Variants in M1AP observed in about 807,000 individuals in gnomAD.
The protein encoded by M1AP is meiosis 1 arrest protein.
In M1AP, 39 loss-of-function variants were observed where a neutral mutation model predicts 51.2. The observed-to-expected ratio is 0.76, with a 90% confidence interval of 0.59 to 1.00. The LOEUF is 1.00. Among genes scored for constraint, M1AP ranks in the 50% least tolerant of loss-of-function variants. The pLI is 0.00. For synonymous variants in M1AP, 251 were observed against 249.2 expected, an observed-to-expected ratio of 1.01 and a Z score of -0.07; for missense variants, 545 against 641.2, an observed-to-expected ratio of 0.85 and a Z score of 1.62.
At chr2:74,635,189 T>C (rs1682916127) in intron 2 of M1AP, among the ~76,000 whole-genome samples, 1 of 152,140 alleles carries the variant, frequency 6.6e-6, no homozygotes. Context: ...AAACTATCTG[T>C]TTCATATTGG....
At chr2:74,648,124 T>TG (rs1369157803) in intron 1 of M1AP, 141 bp downstream of exon 1, 4 of 978,436 alleles carry the variant, frequency 4.1e-6, no homozygotes, top group Non-Finnish European at 4.9e-6. Flanking sequence ...GCGTCAGTCT[T>TG]GCGCCGGCAC....
At chr2:74,595,617 G>T (rs116439955) in intron 4 of M1AP, among the ~76,000 whole-genome samples, 1,998 of 152,298 alleles carry the variant, frequency 0.013, 41 homozygotes, top group African/African-American at 0.045. Context: ...CTCTCAAGGT[G>T]CTGGGATTGT....
chr2:74,578,675 T>A (rs1045133105), intron 5 of M1AP, among the ~76,000 whole-genome samples: 20 of 152,130 alleles, frequency 1.3e-4, no homozygotes, highest in African/African-American at 4.1e-4. Flanking sequence ...TGTAACTCAC[T>A]GTGTGCTCTG....
At chr2:74,620,901 G>A in intron 2 of M1AP, 1 of 178,394 alleles carries the variant, frequency 5.6e-6, no homozygotes, top group Non-Finnish European at 1.3e-5. Context: ...CACTTCCGCG[G>A]CAACATGCTG....
intron 7 of M1AP, among the ~76,000 whole-genome samples, chr2:74,563,839 A>C (rs1400566199): frequency 6.6e-6 from 1 of 152,196 alleles, no homozygotes; most frequent in Non-Finnish European, 1.5e-5. Context: ...ACTTCTGAGA[A>C]GATTTTGTAG....
intron 4 of M1AP, among the ~76,000 whole-genome samples, chr2:74,605,150 G>A (rs1680897353): frequency 6.6e-6 from 1 of 152,094 alleles, no homozygotes; most frequent in Non-Finnish European, 1.5e-5. Context: ...GTATGAATTG[G>A]TATGATCTTT....
At chr2:74,567,120 G>GA (rs1008570799) in intron 7 of M1AP, among the ~76,000 whole-genome samples, 3 of 151,982 alleles carry the variant, frequency 2.0e-5, no homozygotes, top group Admixed American at 2.0e-4. Flanking sequence ...TAAAGACTTG[G>GA]AAAAAATTAA....
At chr2:74,581,057 A>C (rs1353942410) in intron 5 of M1AP, among the ~76,000 whole-genome samples, 2 of 152,174 alleles carry the variant, frequency 1.3e-5, no homozygotes, top group Non-Finnish European at 2.9e-5. Context: ...GGAATGAAGT[A>C]TAATTGCCAG....
chr2:74,564,560 T>G (rs1371045820), intron 7 of M1AP, among the ~76,000 whole-genome samples: 1 of 152,250 alleles, frequency 6.6e-6, no homozygotes, highest in Non-Finnish European at 1.5e-5. Context: ...AAGAGCTTTA[T>G]GCGTGCCTTC....
chr2:74,643,445 A>G (rs1683426995), intron 1 of M1AP, among the ~76,000 whole-genome samples: 1 of 152,168 alleles, frequency 6.6e-6, no homozygotes, highest in Admixed American at 6.6e-5. Context: ...TATTGTTTAG[A>G]GGTGCATACA....
intron 3 of M1AP, among the ~76,000 whole-genome samples, chr2:74,613,099 T>C (rs1681464435): frequency 6.6e-6 from 1 of 152,214 alleles, no homozygotes; most frequent in Non-Finnish European, 1.5e-5. Context: ...TTCACATCTA[T>C]TACAATGTTT....
Position 74,560,354 on chromosome 2 carries a change from G to A in M1AP, c.1282-63C>T, listed in dbSNP as rs144946043. 27 of 1,511,128 alleles carry A rather than the reference G, an allele frequency of 1.8e-5. No homozygotes were observed. The Middle Eastern group carries it at 7.2e-4, about 40-fold the overall frequency. 93.6% of individuals were successfully genotyped at this position (1,511,128 alleles called of 1,614,324 possible). Reference sequence around the variant, plus strand: ...AAGATCACAGAACACAAGATGTCAGGTAGCGATCCAGGAGTGTGAGGGGCT... The same window carrying A: ...AAGATCACAGAACACAAGATGTCAGATAGCGATCCAGGAGTGTGAGGGGCT... On this transcript the variant is annotated intron_variant, in intron 8 of 10. Transcript: ENST00000421985.
intron 5 of M1AP, among the ~76,000 whole-genome samples, chr2:74,578,723 G>A (rs941092147): frequency 6.6e-5 from 10 of 152,144 alleles, no homozygotes; most frequent in Admixed American, 3.9e-4. Context: ...ACCTAAAGAC[G>A]GGGTGAAGGG....
At chr2:74,585,518 C>T (rs747466301) in intron 4 of M1AP, among the ~76,000 whole-genome samples, 3 of 152,214 alleles carry the variant, frequency 2.0e-5, no homozygotes, top group African/African-American at 4.8e-5. Flanking sequence ...GGCAGCCAGC[C>T]AGGCAGCAGT....
At chr2:74,594,754 G>C (rs1680233435) in intron 4 of M1AP, among the ~76,000 whole-genome samples, 1 of 152,136 alleles carries the variant, frequency 6.6e-6, no homozygotes, top group African/African-American at 2.4e-5. Context: ...GCACGAGCCT[G>C]TGGTCCCAGC....
intron 2 of M1AP, among the ~76,000 whole-genome samples, chr2:74,627,659 T>C (rs1243639112): frequency 6.6e-6 from 1 of 152,168 alleles, no homozygotes; most frequent in Non-Finnish European, 1.5e-5. Context: ...AATCTCTGGG[T>C]ATCCCTTAAA....
intron 4 of M1AP, among the ~76,000 whole-genome samples, chr2:74,605,464 A>G (rs1680916150): frequency 6.6e-6 from 1 of 152,122 alleles, no homozygotes. Flanking sequence ...GTTGTTTTTT[A>G]ATTGTGGTAA....
chr2:74,631,791 A>T (rs892786181), intron 2 of M1AP, among the ~76,000 whole-genome samples: 4 of 152,174 alleles, frequency 2.6e-5, no homozygotes, highest in Non-Finnish European at 5.9e-5. Flanking sequence ...TTAATTATGA[A>T]TCCCTTCTCA....
chr2:74,607,016 A>C, intron 4 of M1AP, 39 bp downstream of exon 4: 3 of 1,594,418 alleles, frequency 1.9e-6, no homozygotes, highest in Non-Finnish European at 2.6e-6. Flanking sequence ...TTTCATTAAA[A>C]TTCTTACAAT....
Sources: gnomAD v4.1 joint callset for allele counts (sites outside exome capture counted in the v4.1 genomes callset) on GRCh38, gnomAD v4.1.1 for gene constraint, MANE v1.5 for transcripts, NCBI Gene and HGNC (gene_info 2026-07-23, HGNC 2026-07-21) for gene names.